Variants in TRIM33 observed in about 807,000 individuals in gnomAD.
TRIM33 encodes the protein tripartite motif containing 33.
TRIM33 carries 20 observed loss-of-function variants against 125.4 expected under a neutral mutation model. That is an observed-to-expected ratio of 0.16 (90% confidence interval 0.11 to 0.23). The LOEUF is 0.23. Ranked by LOEUF, TRIM33 falls within the 10% of genes least tolerant of loss-of-function variation. TRIM33 has a pLI of 1.00. For synonymous variants in TRIM33, 564 were observed against 513.9 expected (o/e 1.10, Z -1.32); for missense variants, 920 against 1,411.4 (o/e 0.65, Z 5.58).
chr1:114,503,068 T>C (rs76963758), intron 1 of TRIM33, among the ~76,000 whole-genome samples: 3,920 of 152,310 alleles, frequency 0.026, 86 homozygotes, highest in Non-Finnish European at 0.034. Context: ...CAGATCATTG[T>C]GTGGATATTT....
chr1:114,437,362 C>T (rs1280439038), intron 4 of TRIM33, among the ~76,000 whole-genome samples: 2 of 152,098 alleles, frequency 1.3e-5, no homozygotes, highest in Admixed American at 6.5e-5. Flanking sequence ...TATTTAGAGA[C>T]GGAGTCTCGC....
At chr1:114,482,705 T>G (rs1486938906) in intron 1 of TRIM33, among the ~76,000 whole-genome samples, 1 of 152,150 alleles carries the variant, frequency 6.6e-6, no homozygotes. Context: ...GATTTCCCCT[T>G]TGCTGTTCTC....
At chr1:114,481,858 C>G (rs115965126) in intron 1 of TRIM33, among the ~76,000 whole-genome samples, 3,996 of 151,998 alleles carry the variant, frequency 0.026, 90 homozygotes, top group Non-Finnish European at 0.034. Flanking sequence ...CTACCCAGTT[C>G]AAGTGATTCT....
chr1:114,427,975 T>G, intron 6 of TRIM33, 81 bp from the exon 7 acceptor site: 1 of 1,403,000 alleles, frequency 7.1e-7, no homozygotes, highest in Non-Finnish European at 9.9e-7. Flanking sequence ...ATGGGCACAA[T>G]ACCTATACTT....
intron 1 of TRIM33, among the ~76,000 whole-genome samples, chr1:114,475,482 C>T (rs1441184418): frequency 6.6e-6 from 1 of 152,184 alleles, no homozygotes; most frequent in Admixed American, 6.5e-5. Flanking sequence ...GAGATCGAGA[C>T]CATCCTGGCA....
intron 1 of TRIM33, among the ~76,000 whole-genome samples, chr1:114,504,217 T>C (rs904575301): frequency 6.6e-6 from 1 of 151,996 alleles, no homozygotes; most frequent in African/African-American, 2.4e-5. Flanking sequence ...AAGGCTGGAG[T>C]ACAATGGCAC....
intron 17 of TRIM33, among the ~76,000 whole-genome samples, chr1:114,400,241 G>A (rs367846819): frequency 6.6e-6 from 1 of 152,252 alleles, no homozygotes; most frequent in African/African-American, 2.4e-5. Context: ...TTGCTCTGTC[G>A]CCCAGGCTGG....
At chr1:114,453,242 T>C (rs920870785) in intron 4 of TRIM33, among the ~76,000 whole-genome samples, 1 of 151,666 alleles carries the variant, frequency 6.6e-6, no homozygotes. Context: ...TGTCCACCTG[T>C]AATCCCAGCT....
intron 4 of TRIM33, among the ~76,000 whole-genome samples, chr1:114,443,757 G>C (rs1040117739): frequency 6.6e-6 from 1 of 152,070 alleles, no homozygotes; most frequent in African/African-American, 2.4e-5. Flanking sequence ...GGTGGAGCCA[G>C]GTGTGGTAGC....
At chr1:114,464,986 A>G (rs1650203391) in intron 1 of TRIM33, among the ~76,000 whole-genome samples, 1 of 152,212 alleles carries the variant, frequency 6.6e-6, no homozygotes, top group African/African-American at 2.4e-5. Flanking sequence ...TTTTGACTTT[A>G]GCCCAGTGAA....
At chr1:114,478,846 G>A (rs1345647032) in intron 1 of TRIM33, among the ~76,000 whole-genome samples, 11 of 152,230 alleles carry the variant, frequency 7.2e-5, no homozygotes, top group East Asian at 5.8e-4. Context: ...TCAGGAGTTC[G>A]AGACCAGCCT....
intron 4 of TRIM33, among the ~76,000 whole-genome samples, chr1:114,455,760 C>T (rs1428180474): frequency 3.3e-5 from 5 of 152,290 alleles, no homozygotes; most frequent in African/African-American, 1.2e-4. Context: ...ACTAACTATG[C>T]TGTATTTTAC....
In TRIM33 at chr1:114,433,676, C is replaced by T; in HGVS notation, c.981G>A (p.Leu327=). 1 of 1,612,586 alleles carries T rather than the reference C, an allele frequency of 6.2e-7. No individual in the cohort carries two copies. The highest frequency in any genetic ancestry group is 1.1e-5 in the South Asian group (1 of 90,832). The change falls in exon 5 of 20, where the codon CTG becomes CTA. Residue 327 remains leucine, a synonymous_variant. Transcript: ENST00000358465. ...AATTCTTCTTCTCAAGAAGTTTCGC[C>T]AGTAGATTCTCAATTGCACCCTTCT... ...QNQKGAIENL[L]AKLLEKKNYV...
In TRIM33 at chr1:114,444,366, A is replaced by G. The variant is rs535833147; in HGVS notation, c.924-10633T>C. Among the ~76,000 whole-genome samples, 4 of 152,362 alleles carry G rather than the reference A, an allele frequency of 2.6e-5. No homozygotes were observed. The South Asian group carries it at 6.2e-4, about 24-fold the overall frequency. On this transcript the variant is annotated intron_variant, in intron 4 of 19. Transcript: ENST00000358465. ...CCGTTGCTATAAAGTTGACACTGGA[A>G]GAGAAGAACTAGAGGTCATGGATTT...
At chr1:114,497,333 A>G (rs962253516) in intron 1 of TRIM33, among the ~76,000 whole-genome samples, 1 of 152,110 alleles carries the variant, frequency 6.6e-6, no homozygotes, top group Non-Finnish European at 1.5e-5. Context: ...TTTCGCTCTT[A>G]TTGCCCAGGC....
At chr1:114,401,570 C>T in intron 16 of TRIM33, 107 bp from the exon 17 acceptor site, 2 of 804,100 alleles carry the variant, frequency 2.5e-6, no homozygotes, top group Non-Finnish European at 3.9e-6. Flanking sequence ...ACAAACTGAA[C>T]ACAAGCCCCC....
intron 1 of TRIM33, among the ~76,000 whole-genome samples, chr1:114,474,383 C>T (rs192680566): frequency 6.1e-5 from 9 of 147,036 alleles, no homozygotes; most frequent in Middle Eastern, 7.2e-3. Flanking sequence ...GCCTGGGTGA[C>T]ACAGCAAGGC....
chr1:114,490,084 C>CAAAAAAAAAAA (rs776451339), intron 1 of TRIM33, among the ~76,000 whole-genome samples: 2 of 37,640 alleles, frequency 5.3e-5, no homozygotes, highest in African/African-American at 2.0e-4. Flanking sequence ...GACTCCGTCT[C>CAAAAAAAAAAA]AAAAAAAAAA....
At chr1:114,473,900 C>T (rs1650810869) in intron 1 of TRIM33, among the ~76,000 whole-genome samples, 1 of 152,242 alleles carries the variant, frequency 6.6e-6, no homozygotes, top group South Asian at 2.1e-4. Context: ...CTGCTATATA[C>T]TGTTTACCAG....
Sources: gnomAD v4.1 joint callset for allele counts (sites outside exome capture counted in the v4.1 genomes callset) on GRCh38, gnomAD v4.1.1 for gene constraint, MANE v1.5 for transcripts, NCBI Gene and HGNC (gene_info 2026-07-23, HGNC 2026-07-21) for gene names.